The following FRMPD1 variants were observed in gnomAD, a reference collection of about 807,000 sequenced individuals.
FRMPD1 encodes FERM and PDZ domain containing 1.
FRMPD1 carries 76 observed loss-of-function variants against 117.8 expected under a neutral mutation model. That is an observed-to-expected ratio of 0.65 (90% confidence interval 0.54 to 0.78). FRMPD1 has a LOEUF of 0.78. Among genes scored for constraint, FRMPD1 ranks in the 30% least tolerant of loss-of-function variants. The pLI, the probability that FRMPD1 is intolerant of heterozygous loss-of-function variation, is 0.00. For missense variants in FRMPD1, 1,786 were observed against 1,964.5 expected (o/e 0.91, Z 1.72); for synonymous variants, 783 against 770.4 (o/e 1.02, Z -0.27).
chr9:37,716,997 CTTAG>C (rs1014800352), intron 5 of FRMPD1, among the ~76,000 whole-genome samples: 3 of 152,246 alleles, frequency 2.0e-5, no homozygotes, highest in African/African-American at 7.2e-5. Context: ...GACTAAGTTA[CTTAG>C]TTAGAAATCA....
the FRMPD1 span, chr9:37,636,702 C>T: frequency 3.6e-5 from 57 of 1,563,988 alleles, 1 homozygote; most frequent in South Asian, 6.0e-4. Flanking sequence ...CAACAACCAC[C>T]GCCAGCCGGC....
chr9:37,610,801 C>G, the FRMPD1 span, among the ~76,000 whole-genome samples: 17 of 152,116 alleles, frequency 1.1e-4, no homozygotes, highest in Non-Finnish European at 2.5e-4. Flanking sequence ...TGGGGTTTCT[C>G]CATGTTGTTA....
the FRMPD1 span, among the ~76,000 whole-genome samples, chr9:37,608,376 CTCTT>C: frequency 2.6e-5 from 3 of 115,676 alleles, no homozygotes; most frequent in Non-Finnish European, 5.6e-5. Context: ...TCTCTTCTTT[CTCTT>C]TCTTTCTTTT....
At chr9:37,707,900 TG>T (rs1447207020) in intron 3 of FRMPD1, among the ~76,000 whole-genome samples, 1 of 152,250 alleles carries the variant, frequency 6.6e-6, no homozygotes, top group Non-Finnish European at 1.5e-5. Flanking sequence ...CGCTCCTAGC[TG>T]GGGATACTTT....
At chr9:37,677,706 G>C (rs2117893882) in intron 1 of FRMPD1, among the ~76,000 whole-genome samples, 1 of 152,342 alleles carries the variant, frequency 6.6e-6, no homozygotes, top group South Asian at 2.1e-4. Flanking sequence ...GTAGTGCACT[G>C]TGAAAGCTTG....
At chr9:37,614,489 G>A in the FRMPD1 span, among the ~76,000 whole-genome samples, 1 of 152,218 alleles carries the variant, frequency 6.6e-6, no homozygotes, top group Non-Finnish European at 1.5e-5. Flanking sequence ...AAAAGGCATG[G>A]TGTGGACAAT....
the FRMPD1 span, among the ~76,000 whole-genome samples, chr9:37,621,671 G>A: frequency 1.3e-5 from 2 of 152,162 alleles, no homozygotes; most frequent in Non-Finnish European, 2.9e-5. Context: ...CTGCTGCTTC[G>A]GGATTGGCCA....
the FRMPD1 span, among the ~76,000 whole-genome samples, chr9:37,620,194 T>C: frequency 2.0e-5 from 3 of 152,226 alleles, no homozygotes; most frequent in African/African-American, 4.8e-5. Context: ...CCTTCACTTC[T>C]ACACAAATAG....
At chr9:37,633,003 T>C in the FRMPD1 span, among the ~76,000 whole-genome samples, 1 of 137,142 alleles carries the variant, frequency 7.3e-6, no homozygotes, top group Non-Finnish European at 1.5e-5. Flanking sequence ...TACATATATT[T>C]CTTTCTACAT....
the FRMPD1 span, among the ~76,000 whole-genome samples, chr9:37,605,718 AT>A: frequency 3.3e-5 from 5 of 151,400 alleles, 1 homozygote; most frequent in African/African-American, 1.2e-4. Flanking sequence ...TTATTTATTT[AT>A]TTATTTACTG....
chr9:37,664,783 G>A (rs1821110840), intron 1 of FRMPD1, among the ~76,000 whole-genome samples: 1 of 152,136 alleles, frequency 6.6e-6, no homozygotes, highest in Non-Finnish European at 1.5e-5. Flanking sequence ...ACTGCAAACA[G>A]AAGCCCCCTT....
At position 37,707,632 on chromosome 9, in the gene FRMPD1, A is replaced by G. The variant is rs1025481948; in HGVS notation, c.259+59A>G. 9.6e-6 allele frequency: 13 copies of G among 1,357,542 alleles called. No homozygotes were observed. In the African/African-American group the frequency reaches 1.9e-4, roughly 20 times the overall value. The allele number at this position is 1,357,542 out of a possible 1,614,324, so 84.1% of individuals were successfully genotyped here. A position where few individuals can be genotyped will look rare whatever the true frequency, so the allele number is the denominator to read the frequency against. On this transcript the variant is annotated intron_variant, in intron 3 of 15. Coordinates refer to ENST00000377765, the MANE Select transcript of FRMPD1 (RefSeq NM_014907.3). ...GGTTTCTTAAGGGGAAATAGCCCCAAATCTCCCCGATCTCTCTATCCTATA... is the reference window on the plus strand; with the variant it reads ...GGTTTCTTAAGGGGAAATAGCCCCAGATCTCCCCGATCTCTCTATCCTATA...
the FRMPD1 span, among the ~76,000 whole-genome samples, chr9:37,626,622 G>GAAAAAAAAAAAAAAAA: frequency 1.5e-3 from 72 of 48,614 alleles, 14 homozygotes; most frequent in African/African-American, 1.8e-3. Context: ...CCTGGTATCT[G>GAAAAAAAAAAAAAAAA]AAAAAAAAAA....
chr9:37,704,938 A>G (rs998768932), intron 2 of FRMPD1, among the ~76,000 whole-genome samples: 3 of 151,998 alleles, frequency 2.0e-5, no homozygotes, highest in Non-Finnish European at 4.4e-5. Context: ...TTTTCTTTAA[A>G]TAAATCCTTC....
the FRMPD1 span, among the ~76,000 whole-genome samples, chr9:37,643,632 G>A: frequency 3.3e-5 from 5 of 152,200 alleles, 1 homozygote; most frequent in South Asian, 4.2e-4. Context: ...TGATCTCAAT[G>A]TGATTCCTCT....
upstream of FRMPD1, among the ~76,000 whole-genome samples, chr9:37,647,889 G>A (rs10125357): frequency 0.018 from 2,741 of 152,338 alleles, 87 homozygotes; most frequent in African/African-American, 0.062. Flanking sequence ...AATAGCTTAT[G>A]TAAAGTATTT....
chr9:37,719,815 G>T (rs1164195604), intron 6 of FRMPD1, among the ~76,000 whole-genome samples: 1 of 152,174 alleles, frequency 6.6e-6, no homozygotes, highest in East Asian at 1.9e-4. Context: ...CCAGGGTTGG[G>T]GGTTCAGAAG....
chr9:37,608,099 T>C, the FRMPD1 span, among the ~76,000 whole-genome samples: 1 of 152,236 alleles, frequency 6.6e-6, no homozygotes, highest in Non-Finnish European at 1.5e-5. Flanking sequence ...ATTTAAACCC[T>C]GTGTCACGAA....
At chr9:37,720,194 G>GT (rs1823331185) in intron 6 of FRMPD1, among the ~76,000 whole-genome samples, 1 of 152,252 alleles carries the variant, frequency 6.6e-6, no homozygotes, top group African/African-American at 2.4e-5. Flanking sequence ...GAAGGGGCCA[G>GT]TGGGAGGCCT....
Sources: allele counts gnomAD v4.1 joint callset (sites outside exome capture counted in the v4.1 genomes callset), GRCh38; gene constraint gnomAD v4.1.1; transcripts MANE v1.5; gene names NCBI Gene and HGNC (gene_info 2026-07-23, HGNC 2026-07-21).